The following CUX2 variants were observed in gnomAD, a reference collection of about 807,000 sequenced individuals.
CUX2 encodes the protein homeobox protein cut-like 2.
A neutral mutation model predicts 144.8 loss-of-function variants in CUX2; 40 were observed. The observed-to-expected ratio is 0.28, with a 90% CI of 0.21 to 0.36. The LOEUF (loss-of-function observed/expected upper bound fraction) is 0.36. Ranked by LOEUF, CUX2 falls within the 10% of genes least tolerant of loss-of-function variation. The pLI is 1.00. For missense variants in CUX2, 1,615 were observed against 1,994.0 expected, an observed-to-expected ratio of 0.81 and a Z score of 3.62; for synonymous variants, 827 against 875.6, an observed-to-expected ratio of 0.94 and a Z score of 0.98.
At chr12:111,134,612 C>CTGTG (rs1228524853) in intron 1 of CUX2, among the ~76,000 whole-genome samples, 26 of 143,806 alleles carry the variant, frequency 1.8e-4, no homozygotes, top group African/African-American at 6.8e-4. Context: ...CTCTCTCTCT[C>CTGTG]TCTCTCTCTG....
chr12:111,282,276 C>T (rs1057318457), intron 4 of CUX2, among the ~76,000 whole-genome samples: 1 of 149,446 alleles, frequency 6.7e-6, no homozygotes, highest in African/African-American at 2.5e-5. Flanking sequence ...GAGCCAAGAT[C>T]GTGCCACTGC....
At chr12:111,211,540 A>G (rs1034603) in intron 1 of CUX2, among the ~76,000 whole-genome samples, 27,107 of 152,188 alleles carry the variant, frequency 0.18, 3,084 homozygotes, top group East Asian at 0.58. Context: ...CCCACCAGGT[A>G]TATTGGTTGC....
At chr12:111,224,219 G>C (rs1267254591) in intron 3 of CUX2, among the ~76,000 whole-genome samples, 2 of 152,120 alleles carry the variant, frequency 1.3e-5, no homozygotes, top group Non-Finnish European at 2.9e-5. Flanking sequence ...GAGACACTGA[G>C]ATTTTTCTGA....
chr12:111,214,728 C>T (rs1881436170), intron 2 of CUX2, among the ~76,000 whole-genome samples: 1 of 152,160 alleles, frequency 6.6e-6, no homozygotes, highest in Admixed American at 6.5e-5. Flanking sequence ...GTCTCTGAAA[C>T]TCGGCCTCTC....
chr12:111,195,398 A>G (rs73415957), intron 1 of CUX2, among the ~76,000 whole-genome samples: 2,159 of 152,326 alleles, frequency 0.014, 49 homozygotes, highest in African/African-American at 0.048. Flanking sequence ...AAGAAACACA[A>G]AACATTGCTT....
chr12:111,066,105 G>GGCCT (rs1871009438), intron 1 of CUX2, among the ~76,000 whole-genome samples: 1 of 152,186 alleles, frequency 6.6e-6, no homozygotes, highest in South Asian at 2.1e-4. Flanking sequence ...TGAGTGTGAA[G>GGCCT]GCCTCTTCAG....
rs1881410284 is a variant in CUX2 at position 111,214,320 on chromosome 12, A to T, written c.174+10A>T. ...GAAAAATGTACCTGAGGTATGGTAT[A>T]TTTGCCGTTATAGAATTAACTCAGT... is the stretch of plus-strand genomic sequence containing the variant. On this transcript the variant is annotated intron_variant, in intron 2 of 21. Coordinates refer to ENST00000261726, the MANE Select transcript of CUX2 (RefSeq NM_015267.4). 6.7e-7 allele frequency: 1 copy of T among 1,482,096 alleles called. No individual in the cohort carries two copies. The allele number at this position is 1,482,096 out of a possible 1,614,324, so 91.8% of individuals were successfully genotyped here.
rs1262248929 is a variant in CUX2 at position 111,310,765 on chromosome 12, T to C, written c.1900+83T>C. 6 of 1,451,776 alleles carry C rather than the reference T, an allele frequency of 4.1e-6. No homozygotes were observed. Among genetic ancestry groups the C allele is most frequent in the African/African-American group, 2.8e-5 (2 of 71,188 alleles). The allele number at this position is 1,451,776 out of a possible 1,614,324, so 89.9% of individuals were successfully genotyped here. ...GGCTGGGGGCTGAGGACACGCGCTC[T>C]GGGTTCAAAGCCCAGCTCTACCACC... On this transcript the variant is annotated intron_variant, in intron 15 of 21. Transcript: ENST00000261726. The surrounding 1 kb of genome is among the most constrained non-coding windows in gnomAD (Gnocchi z 7.9).
At chr12:111,058,593 G>A (rs1421832955) in intron 1 of CUX2, among the ~76,000 whole-genome samples, 1 of 152,106 alleles carries the variant, frequency 6.6e-6, no homozygotes, top group Non-Finnish European at 1.5e-5. Context: ...GAGAGACAGA[G>A]AGGGAGCAAT....
chr12:111,178,956 G>A lies in CUX2; in HGVS notation c.64-35244G>A, dbSNP rs1879008920. On this transcript the variant is annotated intron_variant, in intron 1 of 21. Coordinates refer to ENST00000261726, the MANE Select transcript of CUX2 (RefSeq NM_015267.4). This position sits in a 1 kb window ranked among gnomAD's most constrained non-coding sequence, Gnocchi z 5.7. Reference sequence around the variant, plus strand: ...TCGGCGCAGGGGAAAGCAGGGCTGAGAGAGGCCTGGGAGCAGACTGTGCAG... The same window carrying A: ...TCGGCGCAGGGGAAAGCAGGGCTGAAAGAGGCCTGGGAGCAGACTGTGCAG... Among the ~76,000 whole-genome samples the A allele has an allele frequency of 6.6e-6, 1 of 152,296 alleles. No homozygotes were observed. Among genetic ancestry groups the A allele is most frequent in the South Asian group, 2.1e-4 (1 of 4,826 alleles).
intron 1 of CUX2, among the ~76,000 whole-genome samples, chr12:111,086,102 G>T (rs1389995768): frequency 6.6e-6 from 1 of 152,194 alleles, no homozygotes; most frequent in Non-Finnish European, 1.5e-5. Context: ...GCAGATTGAG[G>T]CCACTCTGAT....
chr12:111,088,912 G>T (rs1004374621), intron 1 of CUX2, among the ~76,000 whole-genome samples: 1 of 152,150 alleles, frequency 6.6e-6, no homozygotes, highest in African/African-American at 2.4e-5. Flanking sequence ...AGGCGGTGGA[G>T]AGTCATCTTG....
At chr12:111,187,660 G>A (rs1270836343) in intron 1 of CUX2, among the ~76,000 whole-genome samples, 1 of 152,222 alleles carries the variant, frequency 6.6e-6, no homozygotes, top group African/African-American at 2.4e-5. Flanking sequence ...TGCACAACAG[G>A]CCGGCTGGGT....
intron 1 of CUX2, among the ~76,000 whole-genome samples, chr12:111,122,396 C>T (rs928226479): frequency 1.8e-4 from 27 of 151,646 alleles, no homozygotes; most frequent in Admixed American, 1.8e-3. Flanking sequence ...TATACACAGC[C>T]CTTTATGGAG....
chr12:111,265,434 C>G (rs1367733614), intron 4 of CUX2, among the ~76,000 whole-genome samples: 1 of 151,728 alleles, frequency 6.6e-6, no homozygotes, highest in African/African-American at 2.4e-5. Flanking sequence ...CTCCGCCTCC[C>G]GGGTTCAAGC....
At chr12:111,193,694 G>A (rs913032976) in intron 1 of CUX2, among the ~76,000 whole-genome samples, 1 of 152,202 alleles carries the variant, frequency 6.6e-6, no homozygotes, top group Non-Finnish European at 1.5e-5. Flanking sequence ...GGGGCTGCGG[G>A]GGCTGCCGGC....
In CUX2 at chr12:111,320,704, C is replaced by T; in HGVS notation, c.2695C>T (p.Leu899=). ...ELYMYREVDT[L]ELTRQVKEKL... The stretch of plus-strand genomic sequence containing the variant: ...GTACATGTACCGTGAGGTAGACACG[C>T]TGGAGCTCACCCGCCAGGTCAAGGA... Residue 899 remains leucine (L), a synonymous_variant, in exon 17 of 22, where the codon CTG becomes TTG. Transcript: ENST00000261726. This position sits in a 1 kb window ranked among gnomAD's most constrained non-coding sequence, Gnocchi z 8.1. The T allele has an allele frequency of 1.3e-6, 2 of 1,591,866 alleles. No individual in the cohort carries two copies. The highest frequency in any genetic ancestry group is 1.7e-4 in the Middle Eastern group (1 of 5,896).
At chr12:111,082,412 G>C (rs565451545) in intron 1 of CUX2, among the ~76,000 whole-genome samples, 5 of 152,342 alleles carry the variant, frequency 3.3e-5, no homozygotes, top group Admixed American at 1.3e-4. Context: ...TGCCACTTTA[G>C]TGGGAAGAGG....
In CUX2 at chr12:111,310,869, C is replaced by A. The variant is rs1886864247; in HGVS notation, c.1900+187C>A. On this transcript the variant is annotated intron_variant, in intron 15 of 21. Transcript: ENST00000261726. This position sits in a 1 kb window ranked among gnomAD's most constrained non-coding sequence, Gnocchi z 7.9. Reference sequence around the variant, plus strand: ...CCCTCTGTAAAAGCAGGAAATACATCCTCGCTCTCTCCTTCCTGGCCCTGG... The same window carrying A: ...CCCTCTGTAAAAGCAGGAAATACATACTCGCTCTCTCCTTCCTGGCCCTGG... 6.6e-6 allele frequency among the ~76,000 whole-genome samples: 1 copy of A among 152,240 alleles called. No homozygotes were observed. The highest frequency in any genetic ancestry group is 1.5e-5 in the Non-Finnish European group (1 of 68,040).
Sources: allele counts gnomAD v4.1 joint callset (sites outside exome capture counted in the v4.1 genomes callset), GRCh38; gene constraint gnomAD v4.1.1; non-coding constraint Gnocchi (gnomAD v3.1); transcripts MANE v1.5; gene names NCBI Gene and HGNC (gene_info 2026-07-23, HGNC 2026-07-21).